The following CBLB variants were observed in gnomAD, a reference collection of about 807,000 sequenced individuals.
CBLB encodes E3 ubiquitin-protein ligase CBL-B.
Under a neutral mutation model 104.9 loss-of-function variants are expected in CBLB, and 31 were observed. The ratio of observed to expected loss-of-function variants is 0.30; its 90% CI spans 0.22 to 0.40. The LOEUF is 0.40. Among genes scored for constraint, CBLB ranks in the 10% least tolerant of loss-of-function variants. CBLB has a pLI of 1.00. For synonymous variants in CBLB, 440 were observed against 422.6 expected (o/e 1.04, Z -0.51); for missense variants, 1,062 against 1,214.6 (o/e 0.87, Z 1.87).
intron 10 of CBLB, among the ~76,000 whole-genome samples, chr3:105,712,642 G>C (rs2071278021): frequency 6.6e-6 from 1 of 152,128 alleles, no homozygotes; most frequent in South Asian, 2.1e-4. Context: ...CAGAAAATAA[G>C]AACATTGTAA....
chr3:105,869,214 G>T, upstream of CBLB: 3 of 642,706 alleles, frequency 4.7e-6, no homozygotes, highest in South Asian at 4.4e-5. Flanking sequence ...AGGAAGGCCC[G>T]CTCGCAGCAC....
intron 4 of CBLB, among the ~76,000 whole-genome samples, chr3:105,754,209 T>G (rs2076835934): frequency 1.3e-5 from 2 of 152,084 alleles, no homozygotes; most frequent in Admixed American, 1.3e-4. Context: ...ACAAAGTCTT[T>G]AAAAACAAAC....
intron 3 of CBLB, among the ~76,000 whole-genome samples, chr3:105,815,568 GA>G (rs1370910063): frequency 6.6e-6 from 1 of 152,210 alleles, no homozygotes; most frequent in Non-Finnish European, 1.5e-5. Context: ...AGACGATGTG[GA>G]AAAATAGGAA....
At chr3:105,858,608 A>G (rs2091829692) in intron 2 of CBLB, among the ~76,000 whole-genome samples, 1 of 152,234 alleles carries the variant, frequency 6.6e-6, no homozygotes, top group Non-Finnish European at 1.5e-5. Flanking sequence ...GAATTGGTTC[A>G]ATAGCAATAT....
chr3:105,809,777 G>A (rs551303872), intron 3 of CBLB, among the ~76,000 whole-genome samples: 1 of 152,248 alleles, frequency 6.6e-6, no homozygotes, highest in East Asian at 1.9e-4. Flanking sequence ...GGGATCAGAT[G>A]GGGGAAAGGT....
At chr3:105,661,022 C>T (rs1260980039) in intron 18 of CBLB, among the ~76,000 whole-genome samples, 4 of 149,574 alleles carry the variant, frequency 2.7e-5, no homozygotes, top group African/African-American at 5.0e-5. Context: ...AGGCTGGTCT[C>T]GAACTCCTGT....
intron 14 of CBLB, among the ~76,000 whole-genome samples, chr3:105,682,348 T>G (rs549778002): frequency 1.3e-5 from 2 of 152,322 alleles, no homozygotes; most frequent in Admixed American, 6.5e-5. Flanking sequence ...TTCAAAGAAC[T>G]AGAGCCTGTG....
At chr3:105,700,000 A>G (rs1416560304) in intron 12 of CBLB, among the ~76,000 whole-genome samples, 1 of 152,178 alleles carries the variant, frequency 6.6e-6, no homozygotes, top group Non-Finnish European at 1.5e-5. Flanking sequence ...AAGCAATATT[A>G]AAGTTCAGCT....
intron 16 of CBLB, among the ~76,000 whole-genome samples, chr3:105,679,772 C>CAAAA (rs35237641): frequency 6.9e-6 from 1 of 145,212 alleles, no homozygotes. Context: ...AAGACTGTCT[C>CAAAA]AAAAAAAAAA....
At chr3:105,697,140 C>A (rs1411042861) in intron 12 of CBLB, among the ~76,000 whole-genome samples, 1 of 151,842 alleles carries the variant, frequency 6.6e-6, no homozygotes, top group Middle Eastern at 3.2e-3. Context: ...TTTGTATTCC[C>A]CAGAGTGTCT....
chr3:105,655,755 A>G lies in CBLB; in HGVS notation c.*3215T>C. 1 of 208,328 alleles carries G rather than the reference A, an allele frequency of 4.8e-6. No individual in the cohort carries two copies. The highest frequency in any genetic ancestry group is 9.8e-6 in the Non-Finnish European group (1 of 102,204). 12.9% of individuals were successfully genotyped at this position (208,328 alleles called of 1,614,324 possible). ...TCAAGTATACTGTAATTTGCTTCCA[A>G]ATCTGTTAGCTGAAGAGAGAAACTA... On this transcript the variant is annotated 3_prime_UTR_variant, in exon 19 of 19. Transcript: ENST00000394030.
chr3:105,859,395 T>C (rs895741098), intron 2 of CBLB, among the ~76,000 whole-genome samples: 1 of 152,156 alleles, frequency 6.6e-6, no homozygotes, highest in Non-Finnish European at 1.5e-5. Flanking sequence ...CTCACGCCTG[T>C]AATCCCAGCA....
intron 10 of CBLB, among the ~76,000 whole-genome samples, chr3:105,719,596 T>A (rs2072462981): frequency 6.6e-6 from 1 of 152,220 alleles, no homozygotes; most frequent in South Asian, 2.1e-4. Context: ...ACAAACCTAC[T>A]GTGCAGCTGG....
chr3:105,856,283 G>A (rs1232850596), intron 2 of CBLB, among the ~76,000 whole-genome samples: 1 of 146,798 alleles, frequency 6.8e-6, no homozygotes, highest in East Asian at 2.0e-4. Context: ...CCGGGAGGCA[G>A]AGGTTGCAGT....
intron 3 of CBLB, among the ~76,000 whole-genome samples, chr3:105,781,880 TTTTACAAGG>T (rs1272310716): frequency 6.6e-6 from 1 of 152,170 alleles, no homozygotes; most frequent in Non-Finnish European, 1.5e-5. Flanking sequence ...CTCTTCTTAA[TTTTACAAGG>T]TGAAACAAAC....
chr3:105,709,892 T>G (rs1453910591), intron 10 of CBLB, among the ~76,000 whole-genome samples: 1 of 151,954 alleles, frequency 6.6e-6, no homozygotes, highest in Non-Finnish European at 1.5e-5. Flanking sequence ...AAAACTCAAA[T>G]GCAAAGAATA....
chr3:105,747,945 G>A (rs1390478925), intron 5 of CBLB, among the ~76,000 whole-genome samples: 1 of 152,112 alleles, frequency 6.6e-6, no homozygotes, highest in African/African-American at 2.4e-5. Flanking sequence ...AATCCAGAGG[G>A]CCAGCTTCTA....
chr3:105,745,374 T>C (rs1180388730), intron 6 of CBLB, among the ~76,000 whole-genome samples: 3 of 152,216 alleles, frequency 2.0e-5, no homozygotes, highest in Admixed American at 2.0e-4. Flanking sequence ...AAATAAAATA[T>C]AAATTCTGAG....
chr3:105,810,138 C>G (rs1221575895), intron 3 of CBLB, among the ~76,000 whole-genome samples: 1 of 152,132 alleles, frequency 6.6e-6, no homozygotes, highest in Non-Finnish European at 1.5e-5. Flanking sequence ...TTAAGTTAAG[C>G]TGGTTCTGCT....
Sources: gnomAD v4.1 joint callset for allele counts (sites outside exome capture counted in the v4.1 genomes callset) on GRCh38, gnomAD v4.1.1 for gene constraint, MANE v1.5 for transcripts, NCBI Gene and HGNC (gene_info 2026-07-23, HGNC 2026-07-21) for gene names.